Variants in NRG3 observed in about 807,000 individuals in gnomAD.
The protein encoded by NRG3 is neuregulin 3.
A neutral mutation model predicts 66.9 loss-of-function variants in NRG3; 31 were observed. That is an observed-to-expected ratio of 0.46 (90% CI 0.35 to 0.63). The LOEUF (loss-of-function observed/expected upper bound fraction) is 0.63, where lower values mean the gene tolerates loss of function less well. Ranked by LOEUF, NRG3 falls within the 20% of genes least tolerant of loss-of-function variation. The pLI, the probability that NRG3 is intolerant of heterozygous loss-of-function variation, is 0.00. For missense variants in NRG3, 910 were observed against 878.9 expected, an observed-to-expected ratio of 1.04 and a Z score of -0.45; for synonymous variants, 393 against 359.4, an observed-to-expected ratio of 1.09 and a Z score of -1.06.
At chr10:82,349,491 G>C (rs1210842218) in intron 1 of NRG3, among the ~76,000 whole-genome samples, 2 of 151,728 alleles carry the variant, frequency 1.3e-5, no homozygotes, top group African/African-American at 2.4e-5. Context: ...GGACATTTAA[G>C]TCTGCAGAGG....
intron 1 of NRG3, among the ~76,000 whole-genome samples, chr10:82,273,280 A>AT (rs1193188916): frequency 6.6e-6 from 1 of 151,966 alleles, no homozygotes; most frequent in African/African-American, 2.4e-5. Context: ...CATTGAGCAC[A>AT]TTCGCTGAAG....
intron 2 of NRG3, among the ~76,000 whole-genome samples, chr10:82,669,227 A>T (rs1290384858): frequency 1.3e-5 from 2 of 148,198 alleles, no homozygotes; most frequent in African/African-American, 5.0e-5. Flanking sequence ...AGTAACTTGG[A>T]CTAGTCAGCC....
chr10:82,839,180 A>T (rs1176817971), intron 3 of NRG3, among the ~76,000 whole-genome samples: 1 of 152,204 alleles, frequency 6.6e-6, no homozygotes, highest in Non-Finnish European at 1.5e-5. Context: ...TTGTATTAAC[A>T]AATATTTGAA....
rs1436845160 is a variant in NRG3 at position 82,216,286 on chromosome 10, T to C, written c.824-142453T>C. ...ACGAACCACTGCGCCTGGCCTTTTT[T>C]TTTATGTTTTCTACACAAGACCAGA... On this transcript the variant is annotated intron_variant, in intron 1 of 8. Transcript: ENST00000372141. Among the ~76,000 whole-genome samples, 4 of 152,044 alleles carry C rather than the reference T, an allele frequency of 2.6e-5. No homozygotes were observed. The East Asian group carries it at 7.7e-4, about 29-fold the overall frequency.
chr10:82,321,618 G>T (rs1233006923), intron 1 of NRG3, among the ~76,000 whole-genome samples: 1 of 152,122 alleles, frequency 6.6e-6, no homozygotes, highest in African/African-American at 2.4e-5. Flanking sequence ...CAAGATAGGG[G>T]CCCACCTACC....
intron 1 of NRG3, among the ~76,000 whole-genome samples, chr10:82,018,843 G>C (rs980166911): frequency 6.6e-6 from 1 of 152,006 alleles, no homozygotes; most frequent in African/African-American, 2.4e-5. Flanking sequence ...GGGCTGAGAC[G>C]ATGGGGTTTT....
chr10:81,949,119 A>C (rs1849104103), intron 1 of NRG3, among the ~76,000 whole-genome samples: 1 of 152,072 alleles, frequency 6.6e-6, no homozygotes, highest in African/African-American at 2.4e-5. Context: ...CATCACATTG[A>C]CATAGTCGAC....
At chr10:82,404,975 C>T (rs779007290) in intron 2 of NRG3, among the ~76,000 whole-genome samples, 15 of 152,066 alleles carry the variant, frequency 9.9e-5, no homozygotes, top group South Asian at 4.1e-4. Context: ...CTCATCCAAC[C>T]GCTTAAGTCC....
chr10:82,904,755 G>A (rs1301389724), intron 4 of NRG3, among the ~76,000 whole-genome samples: 1 of 152,088 alleles, frequency 6.6e-6, no homozygotes, highest in African/African-American at 2.4e-5. Context: ...AAAAAAAGTA[G>A]ATGGGGAAAT....
At chr10:82,494,575 TAATA>T (rs1843444924) in intron 2 of NRG3, among the ~76,000 whole-genome samples, 1 of 152,130 alleles carries the variant, frequency 6.6e-6, no homozygotes, top group Non-Finnish European at 1.5e-5. Flanking sequence ...ACATGATTTT[TAATA>T]AATGTATCAT....
At chr10:82,330,943 T>C (rs2082111263) in intron 1 of NRG3, among the ~76,000 whole-genome samples, 3 of 152,230 alleles carry the variant, frequency 2.0e-5, no homozygotes, top group African/African-American at 4.8e-5. Flanking sequence ...GAACAACATA[T>C]TGAGCTTTTC....
chr10:82,569,137 T>G (rs1684894234), intron 2 of NRG3, among the ~76,000 whole-genome samples: 1 of 151,844 alleles, frequency 6.6e-6, no homozygotes, highest in South Asian at 2.1e-4. Flanking sequence ...GCCTGAAAAC[T>G]TATGAAGAGT....
chr10:82,189,799 A>G (rs1015680080), intron 1 of NRG3, among the ~76,000 whole-genome samples: 1 of 151,450 alleles, frequency 6.6e-6, no homozygotes, highest in Non-Finnish European at 1.5e-5. Flanking sequence ...CATAAAAAAT[A>G]AATAAATAAA....
intron 2 of NRG3, among the ~76,000 whole-genome samples, chr10:82,453,495 A>G (rs17100087): frequency 0.42 from 64,072 of 151,860 alleles, 16,313 homozygotes; most frequent in African/African-American, 0.71. Context: ...TAACCATTGC[A>G]TTAATTCAAT....
chr10:82,620,411 CTGG>C (rs2048965662), intron 2 of NRG3, among the ~76,000 whole-genome samples: 1 of 152,084 alleles, frequency 6.6e-6, no homozygotes, highest in Non-Finnish European at 1.5e-5. Context: ...GAGAGGGGAG[CTGG>C]AGAGGGGATG....
intron 1 of NRG3, among the ~76,000 whole-genome samples, chr10:82,299,388 G>T (rs1392093866): frequency 1.3e-5 from 2 of 152,118 alleles, no homozygotes; most frequent in Non-Finnish European, 2.9e-5. Flanking sequence ...AACTTTCTCA[G>T]TATCACACAG....
At chr10:82,361,697 G>T (rs1415279183) in intron 2 of NRG3, among the ~76,000 whole-genome samples, 2 of 152,032 alleles carry the variant, frequency 1.3e-5, no homozygotes, top group Non-Finnish European at 2.9e-5. Flanking sequence ...TTCATCGTTA[G>T]GAAATTTTAA....
rs190580823 is a variant in NRG3 at position 82,231,378 on chromosome 10, A to G, written c.824-127361A>G. On this transcript the variant is annotated intron_variant, in intron 1 of 8. Coordinates refer to ENST00000372141, the MANE Select transcript of NRG3 (RefSeq NM_001010848.4). ...AAAATAAGAAATAAAAAAATATCAC[A>G]TTGTATTTAAAAGGTAACAAAAAAG... Among the ~76,000 whole-genome samples, 15 of 152,198 alleles carry G rather than the reference A, an allele frequency of 9.9e-5. No individual in the cohort carries two copies. In the East Asian group the frequency reaches 2.9e-3, roughly 29 times the overall value.
At chr10:82,390,378 T>C (rs2086274688) in intron 2 of NRG3, among the ~76,000 whole-genome samples, 1 of 152,106 alleles carries the variant, frequency 6.6e-6, no homozygotes, top group South Asian at 2.1e-4. Context: ...CAAAATGATT[T>C]ACTGACATTC....
Sources: allele counts gnomAD v4.1 joint callset (sites outside exome capture counted in the v4.1 genomes callset), GRCh38; gene constraint gnomAD v4.1.1; transcripts MANE v1.5; gene names NCBI Gene and HGNC (gene_info 2026-07-23, HGNC 2026-07-21).